The following USP42 variants were observed in gnomAD, a reference collection of about 807,000 sequenced individuals.
USP42 encodes ubiquitin carboxyl-terminal hydrolase 42.
USP42 carries 23 observed loss-of-function variants against 113.0 expected under a neutral mutation model. The ratio of observed to expected loss-of-function variants is 0.20; its 90% confidence interval spans 0.15 to 0.29. The LOEUF (loss-of-function observed/expected upper bound fraction) is 0.29, where lower values mean the gene tolerates loss of function less well. Ranked by LOEUF, USP42 falls within the 10% of genes least tolerant of loss-of-function variation. The pLI, the probability that USP42 is intolerant of heterozygous loss-of-function variation, is 1.00. For missense variants in USP42, 2,174 were observed against 1,779.8 expected (o/e 1.22, Z -3.99); for synonymous variants, 933 against 699.0 (o/e 1.33, Z -5.28).
intron 3 of USP42, among the ~76,000 whole-genome samples, chr7:6,122,864 C>T (rs1250510127): frequency 6.6e-6 from 1 of 151,926 alleles, no homozygotes; most frequent in African/African-American, 2.4e-5. Flanking sequence ...ACTGCTGGCG[C>T]CCAGGCTAGA....
upstream of USP42, among the ~76,000 whole-genome samples, chr7:6,104,093 G>A (rs979051404): frequency 1.3e-5 from 2 of 151,026 alleles, no homozygotes; most frequent in African/African-American, 4.9e-5. Context: ...TTTCTTTTTT[G>A]AGACAGACTC....
At chr7:6,085,737 C>A in the USP42 span, among the ~76,000 whole-genome samples, 3 of 150,308 alleles carry the variant, frequency 2.0e-5, no homozygotes, top group Admixed American at 6.6e-5. Context: ...GCCTCAGCTT[C>A]CTGAGTATCT....
At chr7:6,105,443 C>T (rs1205881645) in intron 1 of USP42, among the ~76,000 whole-genome samples, 1 of 149,430 alleles carries the variant, frequency 6.7e-6, no homozygotes, top group Non-Finnish European at 1.5e-5. Flanking sequence ...TGGCCGCTGA[C>T]CGCGGAGTCC....
chr7:6,138,870 C>T (rs994345934), intron 4 of USP42, among the ~76,000 whole-genome samples: 4 of 130,986 alleles, frequency 3.1e-5, no homozygotes, highest in Admixed American at 1.4e-4. Context: ...AATGGTCTTC[C>T]GTGAAACCAG....
chr7:6,120,443 G>C (rs1290022161), intron 3 of USP42, among the ~76,000 whole-genome samples: 17 of 151,922 alleles, frequency 1.1e-4, no homozygotes, highest in African/African-American at 4.1e-4. Context: ...GGGTTTCACA[G>C]TGTTGGCCAG....
At chr7:6,137,367 C>T (rs10257181) in intron 4 of USP42, among the ~76,000 whole-genome samples, 11,786 of 152,244 alleles carry the variant, frequency 0.077, 602 homozygotes, top group African/African-American at 0.14. Flanking sequence ...ATTCATTCAT[C>T]CATTCATTTG....
At chr7:6,105,240 G>C (rs1444815608) in intron 1 of USP42, among the ~76,000 whole-genome samples, 1 of 145,088 alleles carries the variant, frequency 6.9e-6, no homozygotes, top group Non-Finnish European at 1.5e-5. Context: ...CGCCCGCCCG[G>C]GCCAGGCCGC....
rs1387805029 is a variant in USP42, at chr7:6,161,544, T to TATAA, written c.*1029_*1032dup. 1 of 152,642 alleles carries TATAA rather than the reference T, an allele frequency of 6.6e-6. No homozygotes were observed. The highest frequency in any genetic ancestry group is 1.5e-5 in the Non-Finnish European group (1 of 68,040). The allele number at this position is 152,642 out of a possible 1,614,324, so 9.5% of individuals were successfully genotyped here. ...TACAGCATGTAAAATTTCTATAGTA[T>TATAA]ATAAATGGCAGCAAATCACACACTT... On this transcript the variant is annotated 3_prime_UTR_variant, in exon 18 of 18. Coordinates refer to ENST00000306177, the MANE Select transcript of USP42 (RefSeq NM_032172.3).
chr7:6,107,409 C>CTTTTTTT (rs774259719), intron 1 of USP42, among the ~76,000 whole-genome samples: 5 of 130,796 alleles, frequency 3.8e-5, no homozygotes, highest in Non-Finnish European at 6.5e-5. Flanking sequence ...TCTTCCTTTT[C>CTTTTTTT]TTTTTTTTTT....
chr7:6,114,656 G>GTGTATATATATATATATATATA (rs1187768774), intron 2 of USP42, among the ~76,000 whole-genome samples: 7 of 60,598 alleles, frequency 1.2e-4, no homozygotes, highest in South Asian at 9.1e-4. Context: ...ATGTGTGTGT[G>GTGTATATATATATATATATATA]TATATATATA....
chr7:6,154,906 C>T lies in USP42; in HGVS notation c.3352C>T (p.Arg1118Cys). The change falls in exon 15 of 18, where the codon CGC becomes TGC. Residue 1118 changes from arginine to cysteine, a missense_variant. Transcript: ENST00000306177. ...GGAGCGGCACCGCCCCAGCAGCCCC[C>T]GCGCAGGCGCGCCCCACGCCCTCGC... ...ERERHRPSSP[R>C]AGAPHALAPH... 3.2e-6 allele frequency: 5 copies of T among 1,545,706 alleles called. No individual in the cohort carries two copies. The highest frequency in any genetic ancestry group is 2.5e-5 in the East Asian group (1 of 40,696).
intron 1 of USP42, among the ~76,000 whole-genome samples, chr7:6,110,022 CAGGGTCT>C (rs1169850671): frequency 6.6e-6 from 1 of 150,510 alleles, no homozygotes; most frequent in Non-Finnish European, 1.5e-5. Context: ...TTCGTAGAGA[CAGGGTCT>C]CACCATGTTG....
rs543386283 is a variant in USP42 at position 6,146,072 on chromosome 7, A to T, written c.1132-76A>T. 5.1e-6 allele frequency: 6 copies of T among 1,177,876 alleles called. No homozygotes were observed. In the East Asian group the frequency reaches 1.3e-4, roughly 25 times the overall value. 73.0% of individuals were successfully genotyped at this position (1,177,876 alleles called of 1,614,324 possible). On this transcript the variant is annotated intron_variant, in intron 10 of 17. Transcript: ENST00000306177. ...GTGAGACTCCATCTCAAAAAAAAAG[A>T]AAGAAATATTTCTCTTGACTATGTT...
chr7:6,104,859 C>T (rs1190327280), upstream of USP42: 1 of 147,026 alleles, frequency 6.8e-6, no homozygotes, highest in Non-Finnish European at 1.5e-5. Flanking sequence ...CGGGCGCGGC[C>T]CTGGCGCGCC....
At chr7:6,090,334 CTTTATATATATA>C in the USP42 span, among the ~76,000 whole-genome samples, 10,922 of 136,472 alleles carry the variant, frequency 0.08, 886 homozygotes, top group African/African-American at 0.16. Context: ...ATATATATTT[CTTTATATATATA>C]TTTATATATA....
intron 3 of USP42, among the ~76,000 whole-genome samples, chr7:6,121,580 C>G (rs780659595): frequency 6.6e-6 from 1 of 151,934 alleles, no homozygotes; most frequent in African/African-American, 2.4e-5. Flanking sequence ...GTTATTTCTT[C>G]TTTAAATGTT....
intron 11 of USP42, among the ~76,000 whole-genome samples, chr7:6,146,766 T>C (rs1583663816): frequency 6.6e-6 from 1 of 152,334 alleles, no homozygotes; most frequent in Non-Finnish European, 1.5e-5. Context: ...TCTGTGGCCA[T>C]GAGCACTGAA....
At chr7:6,143,150 C>A in intron 8 of USP42, 136 bp downstream of exon 8, 1 of 802,662 alleles carries the variant, frequency 1.2e-6, no homozygotes, top group Non-Finnish European at 2.0e-6. Context: ...GCGTCCCTGT[C>A]GTCCAAAGGC....
chr7:6,156,607 A>T, intron 15 of USP42, 147 bp from the exon 16 acceptor site: 1 of 1,274,580 alleles, frequency 7.8e-7, no homozygotes. Flanking sequence ...GCGCCACCAT[A>T]CCTGGCCTAC....
Sources: gnomAD v4.1 joint callset for allele counts (sites outside exome capture counted in the v4.1 genomes callset) on GRCh38, gnomAD v4.1.1 for gene constraint, MANE v1.5 for transcripts, NCBI Gene and HGNC (gene_info 2026-07-23, HGNC 2026-07-21) for gene names.